Variants in CEL observed in about 807,000 individuals in gnomAD.
CEL encodes bile salt-activated lipase.
CEL carries 39 observed loss-of-function variants against 57.1 expected under a neutral mutation model. The ratio of observed to expected loss-of-function variants is 0.68; its 90% confidence interval spans 0.53 to 0.89. The LOEUF is 0.89. Ranked by LOEUF, CEL falls within the 40% of genes least tolerant of loss-of-function variation. CEL has a pLI of 0.00. For synonymous variants in CEL, 314 were observed against 396.6 expected, an observed-to-expected ratio of 0.79 and a Z score of 2.48; for missense variants, 698 against 915.0, an observed-to-expected ratio of 0.76 and a Z score of 3.06.
At chr9:133,064,938 T>C in intron 3 of CEL, 102 bp from the exon 4 acceptor site, 7 of 1,549,304 alleles carry the variant, frequency 4.5e-6, no homozygotes, top group Non-Finnish European at 6.2e-6. Flanking sequence ...TTGGAGCACC[T>C]CCCTGTCTTG....
At chr9:133,068,375 G>T (rs1830213571) in intron 7 of CEL, among the ~76,000 whole-genome samples, 1 of 152,146 alleles carries the variant, frequency 6.6e-6, no homozygotes, top group Non-Finnish European at 1.5e-5. Flanking sequence ...GAAGAGGACA[G>T]ATCTGGCCCT....
Position 133,066,192 on chromosome 9 carries a change from C to T in CEL, c.539-338C>T, listed in dbSNP as rs992297876. On this transcript the variant is annotated intron_variant, in intron 4 of 10. Coordinates refer to ENST00000372080, the MANE Select transcript of CEL (RefSeq NM_001807.6). This position sits in a 1 kb window ranked among gnomAD's most constrained non-coding sequence, Gnocchi z 4.3. ...GACTGGGGCAGGGGCAGGAGAGGTG[C>T]ATGGGCCTGACCATCCTGCCCCCGA... Among the ~76,000 whole-genome samples, 1 of 152,074 alleles carries T rather than the reference C, an allele frequency of 6.6e-6. No individual in the cohort carries two copies. Among genetic ancestry groups the T allele is most frequent in the African/African-American group, 2.4e-5 (1 of 41,398 alleles).
At chr9:133,069,987 A>T (rs1057237856) in intron 9 of CEL, among the ~76,000 whole-genome samples, 2 of 152,084 alleles carry the variant, frequency 1.3e-5, no homozygotes, top group Admixed American at 6.5e-5. Context: ...ATAAGTAAAT[A>T]AATAATAAAA....
Position 133,064,457 on chromosome 9 carries a change from C to T in CEL, c.120C>T (p.Leu40=), listed in dbSNP as rs375524068. 1.2e-4 allele frequency: 197 copies of T among 1,614,048 alleles called. No homozygotes were observed. Among genetic ancestry groups the T allele is most frequent in the Non-Finnish European group, 1.6e-4 (187 of 1,180,020 alleles). Residue 40 remains leucine (L), a synonymous_variant, in exon 2 of 11, where the codon CTC becomes CTT. Transcript: ENST00000372080. ...GGFVEGVNKK[L]GLLGDSVDIF... is the part of the protein sequence containing the mutation. ...TCGTGGAAGGCGTCAATAAGAAGCT[C>T]GGCCTCCTGGGTGACTCTGTGGACA...
At chr9:133,067,253 A>AG in intron 7 of CEL, 48 bp downstream of exon 7, 3 of 1,536,732 alleles carry the variant, frequency 2.0e-6, no homozygotes, top group East Asian at 2.2e-5. Flanking sequence ...GTGGGGGTTG[A>AG]GGGGGGTACT....
rs372665952 is a variant in CEL, at chr9:133,064,503, G to A, written c.166G>A (p.Ala56Thr). ...GGACATCTTCAAGGGCATCCCCTTCGCAGCTCCCACCAAGGCCCTGGAAAA... is the reference window on the plus strand; with the variant it reads ...GGACATCTTCAAGGGCATCCCCTTCACAGCTCCCACCAAGGCCCTGGAAAA... ...SVDIFKGIPFAAPTKALENPQ... is the reference protein window; with the variant it reads ...SVDIFKGIPFTAPTKALENPQ... Residue 56 changes from alanine (A) to threonine (T), a missense_variant, in exon 2 of 11, where the codon GCA (alanine) becomes ACA (threonine). Around this residue, in one of 6 missense-constraint regions of CEL, gnomAD observed 327 missense variants for 374.1 expected, o/e 0.87. Transcript: ENST00000372080. 3.6e-5 allele frequency: 58 copies of A among 1,614,044 alleles called. No homozygotes were observed. The highest frequency in any genetic ancestry group is 1.6e-4 in the Middle Eastern group (1 of 6,084).
intron 1 of CEL, among the ~76,000 whole-genome samples, chr9:133,063,725 G>A (rs1030544127): frequency 6.6e-6 from 1 of 152,182 alleles, no homozygotes; most frequent in East Asian, 1.9e-4. Flanking sequence ...CAGGCCCCTC[G>A]TGGGGGTGGA....
At chr9:133,068,172 C>A (rs538331549) in intron 7 of CEL, among the ~76,000 whole-genome samples, 101 of 152,360 alleles carry the variant, frequency 6.6e-4, no homozygotes, top group South Asian at 2.9e-3. Flanking sequence ...CCTCAGCAGC[C>A]ACTGGGTCCT....
intron 7 of CEL, among the ~76,000 whole-genome samples, chr9:133,067,964 G>T (rs1368671250): frequency 6.6e-6 from 1 of 152,218 alleles, no homozygotes; most frequent in South Asian, 2.1e-4. Context: ...CTGCATGTCA[G>T]CCTTACCAGC....
rs575395415 is a variant in CEL at position 133,067,342 on chromosome 9, C to T, written c.895+137C>T. ...TGTCACCAACTAGCTGGTGTCTCCCCTCGAAGGCCCCAGCTGTAAGGGAGA... is the reference window on the plus strand; with the variant it reads ...TGTCACCAACTAGCTGGTGTCTCCCTTCGAAGGCCCCAGCTGTAAGGGAGA... On this transcript the variant is annotated intron_variant, in intron 7 of 10. Transcript: ENST00000372080. The T allele has an allele frequency of 1.6e-4, 126 of 787,650 alleles. 1 individual carries two copies. In the African/African-American group the frequency reaches 1.9e-3, roughly 12 times the overall value. 48.8% of individuals were successfully genotyped at this position (787,650 alleles called of 1,614,324 possible). A position where few individuals can be genotyped will look rare whatever the true frequency, so the allele number is the denominator to read the frequency against.
intron 1 of CEL, among the ~76,000 whole-genome samples, chr9:133,063,408 G>A (rs1830123040): frequency 6.6e-6 from 1 of 152,132 alleles, no homozygotes; most frequent in African/African-American, 2.4e-5. Context: ...AGTTCCAACC[G>A]CCGCACTCTC....
Position 133,070,632 on chromosome 9 carries a change from C to T in CEL, c.1458C>T (p.Ala486=), listed in dbSNP as rs780964250. The T allele has an allele frequency of 1.2e-6, 2 of 1,614,088 alleles. No individual in the cohort carries two copies. The highest frequency in any genetic ancestry group is 2.7e-5 in the African/African-American group (2 of 74,938). ...QDRTVSKAMI[A]YWTNFAKTGD... ...GGACAGTCTCTAAGGCCATGATCGC[C>T]TACTGGACCAACTTTGCCAAAACAG... The change falls in exon 10 of 11, where the codon GCC becomes GCT. Residue 486 remains alanine (A), a synonymous_variant. Transcript: ENST00000372080.
rs751652936 is a variant in CEL, at chr9:133,066,846, C to T, written c.678C>T (p.Ser226=). The change falls in exon 6 of 11, where the codon TCC becomes TCT. Residue 226 remains serine (S), a synonymous_variant. Transcript: ENST00000372080. This position sits in a 1 kb window ranked among gnomAD's most constrained non-coding sequence, Gnocchi z 4.3. ...ATTTCTGGGTCCCGTAGACCCTCTC[C>T]CCCTACAACAAGGGCCTCATCCGGC... ...GGASVSLQTL[S]PYNKGLIRRA... 34 of 1,612,496 alleles carry T rather than the reference C, an allele frequency of 2.1e-5. No individual in the cohort carries two copies. The highest frequency in any genetic ancestry group is 2.5e-6 in the Non-Finnish European group (3 of 1,179,596).
chr9:133,066,243 A>G lies in CEL; in HGVS notation c.539-287A>G, dbSNP rs1830177026. On this transcript the variant is annotated intron_variant, in intron 4 of 10. Transcript: ENST00000372080. The surrounding 1 kb of genome is among the most constrained non-coding windows in gnomAD (Gnocchi z 4.3). The stretch of plus-strand genomic sequence containing the variant: ...CAAACACCACCCCCTCCAGCACCAC[A>G]CCAACCCAACCTCCTGGGGACCCAC... Among the ~76,000 whole-genome samples the G allele has an allele frequency of 6.6e-6, 1 of 151,492 alleles. No individual in the cohort carries two copies. Among genetic ancestry groups the G allele is most frequent in the South Asian group, 2.1e-4 (1 of 4,798 alleles).
At chr9:133,070,024 A>C (rs1270690449) in intron 9 of CEL, among the ~76,000 whole-genome samples, 48 of 152,002 alleles carry the variant, frequency 3.2e-4, no homozygotes, top group Admixed American at 3.1e-3. Context: ...GAATACGAAA[A>C]AGATAGGAAG....
intron 7 of CEL, among the ~76,000 whole-genome samples, chr9:133,067,684 C>A (rs558018611): frequency 6.6e-6 from 1 of 152,182 alleles, no homozygotes; most frequent in Admixed American, 6.5e-5. Context: ...CTTCTTTATT[C>A]TTATCTCCCA....
chr9:133,063,299 C>G (rs1202182665), intron 1 of CEL, among the ~76,000 whole-genome samples: 2 of 152,292 alleles, frequency 1.3e-5, no homozygotes, highest in South Asian at 4.1e-4. Flanking sequence ...TGGCCAGTCT[C>G]AATTGCACAG....
In CEL at chr9:133,064,671, A is replaced by T; in HGVS notation, c.249A>T (p.Arg83Ser). ...GTLKAKNFKKRCLQATITQDS... is the reference protein window; with the variant it reads ...GTLKAKNFKKSCLQATITQDS... Reference sequence around the variant, plus strand: ...TGAAGGCCAAGAACTTCAAGAAGAGATGCCTGCAGGCCACCATCACCCAGG... The same window carrying T: ...TGAAGGCCAAGAACTTCAAGAAGAGTTGCCTGCAGGCCACCATCACCCAGG... Residue 83 changes from arginine (R) to serine (S), a missense_variant, in exon 3 of 11, where the codon AGA becomes AGT. Around this residue, in one of 6 missense-constraint regions of CEL, gnomAD observed 327 missense variants for 374.1 expected, o/e 0.87. Transcript: ENST00000372080. The T allele has an allele frequency of 6.2e-7, 1 of 1,613,986 alleles. No individual in the cohort carries two copies. The highest frequency in any genetic ancestry group is 8.5e-7 in the Non-Finnish European group (1 of 1,179,972).
chr9:133,062,207 T>G, intron 1 of CEL, 139 bp downstream of exon 1: 1 of 1,235,996 alleles, frequency 8.1e-7, no homozygotes, highest in Non-Finnish European at 1.1e-6. Context: ...TGGGGACAGG[T>G]GCCAGGTAGA....
Sources: allele counts gnomAD v4.1 joint callset (sites outside exome capture counted in the v4.1 genomes callset), GRCh38; gene constraint gnomAD v4.1.1; regional missense constraint gnomAD v4.1.1; non-coding constraint Gnocchi (gnomAD v3.1); transcripts MANE v1.5; gene names NCBI Gene and HGNC (gene_info 2026-07-23, HGNC 2026-07-21).